The following AVIL variants were observed in gnomAD, a reference collection of about 807,000 sequenced individuals.
AVIL encodes the protein advillin.
AVIL carries 78 observed loss-of-function variants against 109.9 expected under a neutral mutation model. The ratio of observed to expected loss-of-function variants is 0.71; its 90% CI spans 0.59 to 0.86. The LOEUF is 0.86. Among genes scored for constraint, AVIL ranks in the 40% least tolerant of loss-of-function variants. AVIL has a pLI of 0.00. For synonymous variants in AVIL, 367 were observed against 379.1 expected (o/e 0.97, Z 0.37); for missense variants, 892 against 1,016.5 (o/e 0.88, Z 1.67).
chr12:57,815,620 C>T (rs1294133081), intron 2 of AVIL: 1 of 1,305,710 alleles, frequency 7.7e-7, no homozygotes, highest in African/African-American at 1.5e-5. Flanking sequence ...CCGTGGAAGA[C>T]ATGTTCCATT....
In AVIL at chr12:57,813,222, C is replaced by T; in HGVS notation, c.338+5G>A. Reference sequence around the variant, plus strand: ...TCTGTCCTTGCTCTGTGCACCCCTACTCACATGATGCCCTGCTTGAAGTAG... The same window carrying T: ...TCTGTCCTTGCTCTGTGCACCCCTATTCACATGATGCCCTGCTTGAAGTAG... On this transcript the variant is annotated splice_donor_5th_base_variant and intron_variant, in intron 4 of 19. Transcript: ENST00000549994. The T allele has an allele frequency of 1.2e-6, 2 of 1,609,870 alleles. No individual in the cohort carries two copies. Among genetic ancestry groups the T allele is most frequent in the Non-Finnish European group, 1.7e-6 (2 of 1,176,790 alleles).
Position 57,810,433 on chromosome 12 carries a change from G to T in AVIL, c.677C>A (p.Thr226Asn). 1 of 1,614,138 alleles carries T rather than the reference G, an allele frequency of 6.2e-7. No individual in the cohort carries two copies. Among genetic ancestry groups the T allele is most frequent in the Non-Finnish European group, 8.5e-7 (1 of 1,180,026 alleles). Reference sequence around the variant, plus strand: ...CTTGATAATGGAGCGTCGGCCAAGGGTGTCCTGAAGGACCTTCATCAGCTC... The same window carrying T: ...CTTGATAATGGAGCGTCGGCCAAGGTTGTCCTGAAGGACCTTCATCAGCTC... ...SPELMKVLQD[T>N]LGRRSIIKPT... Residue 226 changes from threonine (T) to asparagine (N), a missense_variant, in exon 7 of 20, where the codon ACC becomes AAC. By Grantham distance (65) the Thr-to-Asn change is moderately conservative. Transcript: ENST00000549994.
chr12:57,810,706 A>G, intron 6 of AVIL, 110 bp downstream of exon 6: 1 of 1,417,690 alleles, frequency 7.1e-7, no homozygotes. Flanking sequence ...CCTGTCTCCA[A>G]GACAGATTCT....
At position 57,813,334 on chromosome 12, in the gene AVIL, T is replaced by C; in HGVS notation, c.231A>G (p.Ile77Met). ...SSQDEQSCAA[I>M]YTTQLDDYLG... Reference sequence around the variant, plus strand: ...GGTAGTCGTCCAGCTGTGTGGTATATATGGCTGCGCAGCTTTGCTCATCCT... The same window carrying C: ...GGTAGTCGTCCAGCTGTGTGGTATACATGGCTGCGCAGCTTTGCTCATCCT... The change falls in exon 4 of 20, where the codon ATA becomes ATG. Residue 77 changes from isoleucine to methionine, a missense_variant. Transcript: ENST00000549994. 6.2e-7 allele frequency: 1 copy of C among 1,614,134 alleles called. No individual in the cohort carries two copies. The highest frequency in any genetic ancestry group is 1.1e-5 in the South Asian group (1 of 91,084).
In AVIL at chr12:57,808,254, G is replaced by A; in HGVS notation, c.1134C>T (p.His378=). The change falls in exon 11 of 20, where the codon CAC becomes CAT. Residue 378 remains histidine, a synonymous_variant. Coordinates refer to ENST00000549994, the MANE Select transcript of AVIL (RefSeq NM_006576.4). The stretch of plus-strand genomic sequence containing the variant: ...CCTGGGCAGCTACCTCTGGCTTGGT[G>A]TGTAGCAGAGTCACATCAAATTTAT... ...FQDKFDVTLL[H]TKPEVAAQER... 6.2e-7 allele frequency: 1 copy of A among 1,614,202 alleles called. No individual in the cohort carries two copies. The highest frequency in any genetic ancestry group is 1.3e-5 in the African/African-American group (1 of 75,040).
intron 2 of AVIL, 83 bp from the exon 3 acceptor site, chr12:57,814,309 G>A: frequency 7.4e-7 from 1 of 1,357,232 alleles, no homozygotes; most frequent in Middle Eastern, 1.8e-4. Context: ...CTGTCATTCG[G>A]TGCAGGTGGT....
chr12:57,802,302 C>G lies in AVIL; in HGVS notation c.2009G>C (p.Ser670Thr), dbSNP rs374532704. Residue 670 changes from serine to threonine, a missense_variant, in exon 17 of 20, where the codon AGT (serine) becomes ACT (threonine). Transcript: ENST00000549994. ...GAEANATEKE[S>T]ALATAQQYLH... ...GTACTGCTGTGCTGTGGCAAGGGCACTCTCCTTCTCCGTGGCATTGGCCTC... is the reference window on the plus strand; with the variant it reads ...GTACTGCTGTGCTGTGGCAAGGGCAGTCTCCTTCTCCGTGGCATTGGCCTC... The G allele has an allele frequency of 6.8e-6, 11 of 1,613,862 alleles. No individual in the cohort carries two copies. Among genetic ancestry groups the G allele is most frequent in the Admixed American group, 1.7e-5 (1 of 59,956 alleles).
intron 17 of AVIL, among the ~76,000 whole-genome samples, 182 bp downstream of exon 17, chr12:57,801,978 C>G (rs1955857413): frequency 6.6e-6 from 1 of 152,160 alleles, no homozygotes; most frequent in South Asian, 2.1e-4. Context: ...AATTGTCCAC[C>G]TGGACTTACT....
rs759933571 is a variant in AVIL at position 57,813,225 on chromosome 12, AC to A, written c.338+1del. 6.2e-7 allele frequency: 1 copy of A among 1,609,120 alleles called. No individual in the cohort carries two copies. Among genetic ancestry groups the A allele is most frequent in the African/African-American group, 1.3e-5 (1 of 74,406 alleles). ...GTCCTTGCTCTGTGCACCCCTACTC[AC>A]ATGATGCCCTGCTTGAAGTAGCCAC... On this transcript the variant is annotated splice_donor_variant, in intron 4 of 19. Transcript: ENST00000549994. LOFTEE classifies it high-confidence loss of function.
intron 11 of AVIL, 178 bp downstream of exon 11, chr12:57,808,016 G>A (rs1955977704): frequency 1.2e-6 from 1 of 812,628 alleles, no homozygotes; most frequent in South Asian, 1.4e-5. Flanking sequence ...ATTTGAGGAT[G>A]TGCCTTTCAC....
intron 4 of AVIL, among the ~76,000 whole-genome samples, chr12:57,811,495 A>G (rs1185218455): frequency 6.6e-6 from 1 of 152,164 alleles, no homozygotes; most frequent in East Asian, 1.9e-4. Flanking sequence ...TGTTACTGGG[A>G]GAGGGATACA....
chr12:57,799,394 C>T (rs539883948), intron 19 of AVIL, among the ~76,000 whole-genome samples: 1 of 152,294 alleles, frequency 6.6e-6, no homozygotes, highest in Non-Finnish European at 1.5e-5. Context: ...TTGTATAGGC[C>T]TTCACATTCT....
intron 2 of AVIL, 108 bp downstream of exon 2, chr12:57,815,867 A>C: frequency 6.4e-7 from 1 of 1,573,208 alleles, no homozygotes; most frequent in African/African-American, 1.3e-5. Context: ...CATTCTCCTC[A>C]AACCATAGGC....
chr12:57,807,218 A>C (rs574032836), intron 13 of AVIL, 113 bp downstream of exon 13: 2 of 1,488,614 alleles, frequency 1.3e-6, no homozygotes, highest in African/African-American at 2.8e-5. Context: ...TCCTCTGTCT[A>C]ATCCAAGCCT....
chr12:57,807,231 C>T (rs1955961340), intron 13 of AVIL, 100 bp downstream of exon 13: 1 of 1,552,260 alleles, frequency 6.4e-7, no homozygotes, highest in East Asian at 2.2e-5. Context: ...CCAAGCCTGA[C>T]TCCCTACCCC....
Position 57,816,066 on chromosome 12 carries a change from CAT to C in AVIL, c.-19-9_-19-8del, listed in dbSNP as rs769657942. 1 of 1,599,256 alleles carries C rather than the reference CAT, an allele frequency of 6.3e-7. No homozygotes were observed. Among genetic ancestry groups the C allele is most frequent in the Non-Finnish European group, 8.5e-7 (1 of 1,171,810 alleles). On this transcript the variant is annotated splice_polypyrimidine_tract_variant and splice_region_variant and intron_variant, in intron 1 of 19. Coordinates refer to ENST00000549994, the MANE Select transcript of AVIL (RefSeq NM_006576.4). ...GATGCTTGTCTTTCCAGGACTGAAA[CAT>C]CACAGAACAAGAGGGGAGATGATAT...
chr12:57,810,602 C>T (rs373803533), intron 6 of AVIL, 51 bp from the exon 7 acceptor site: 36 of 1,597,342 alleles, frequency 2.3e-5, no homozygotes, highest in Non-Finnish European at 2.8e-5. Flanking sequence ...CCCCTTTCTG[C>T]CTGATGTCTT....
intron 14 of AVIL, 42 bp from the exon 15 acceptor site, chr12:57,803,711 G>A: frequency 1.3e-6 from 2 of 1,597,780 alleles, no homozygotes; most frequent in Non-Finnish European, 1.7e-6. Flanking sequence ...AGTTGCACAG[G>A]GGCACTTCGA....
intron 7 of AVIL, 73 bp from the exon 8 acceptor site, chr12:57,809,963 G>C: frequency 6.5e-7 from 1 of 1,532,262 alleles, no homozygotes; most frequent in Non-Finnish European, 9.0e-7. Context: ...ATGTTGTTCT[G>C]GTTTGGTTTT....
Sources: allele counts gnomAD v4.1 joint callset (sites outside exome capture counted in the v4.1 genomes callset), GRCh38; gene constraint gnomAD v4.1.1; transcripts MANE v1.5; gene names NCBI Gene and HGNC (gene_info 2026-07-23, HGNC 2026-07-21).